Variants in TPPP2 observed in about 807,000 individuals in gnomAD.
TPPP2 encodes tubulin polymerization-promoting protein family member 2.
In TPPP2, 8 loss-of-function variants were observed where a neutral mutation model predicts 13.0. That is an observed-to-expected ratio of 0.62 (90% CI 0.36 to 1.11). TPPP2 has a LOEUF of 1.11. Among genes scored for constraint, TPPP2 ranks in the 50% most tolerant of loss-of-function variants. The pLI is 0.02. For missense variants in TPPP2, 213 were observed against 216.9 expected, an observed-to-expected ratio of 0.98 and a Z score of 0.11; for synonymous variants, 81 against 81.8, an observed-to-expected ratio of 0.99 and a Z score of 0.05.
At chr14:21,027,599 A>ATTCATT (rs1416678733), upstream of TPPP2, among the ~76,000 whole-genome samples, 2 of 152,224 alleles carry the variant, frequency 1.3e-5, no homozygotes, top group Non-Finnish European at 2.9e-5. Flanking sequence ...AATGCAAACT[A>ATTCATT]TGAATTCATC....
At chr14:21,034,190 A>G (rs748525600), downstream of TPPP2, 90 of 1,613,934 alleles carry the variant, frequency 5.6e-5, no homozygotes, top group Non-Finnish European at 6.9e-5. Flanking sequence ...TGCTTAAGGT[A>G]TAGAAGTTCC....
downstream of TPPP2, chr14:21,033,828 G>T (rs200219413): frequency 6.2e-7 from 1 of 1,607,578 alleles, no homozygotes; most frequent in South Asian, 1.1e-5. Flanking sequence ...TTAAATTCCC[G>T]AATAGAGACC....
intron 1 of TPPP2, chr14:21,024,422 G>A: frequency 4.4e-6 from 4 of 912,448 alleles, no homozygotes; most frequent in Non-Finnish European, 5.2e-6. Context: ...GCCCCAGTTA[G>A]TTACTACATT....
downstream of TPPP2, chr14:21,033,742 C>A: frequency 9.6e-7 from 1 of 1,038,496 alleles, no homozygotes; most frequent in Non-Finnish European, 1.5e-6. Context: ...GGAAGGAAGT[C>A]TTGTTACAGG....
chr14:21,035,419 A>G (rs995914034), downstream of TPPP2, among the ~76,000 whole-genome samples: 1 of 152,200 alleles, frequency 6.6e-6, no homozygotes, highest in Non-Finnish European at 1.5e-5. Flanking sequence ...CCACGCTCCT[A>G]TCTTTTTCAT....
intron 3 of TPPP2, 36 bp downstream of exon 3, chr14:21,031,201 C>T: frequency 2.5e-6 from 4 of 1,603,684 alleles, no homozygotes; most frequent in South Asian, 2.2e-5. Context: ...ACCCTACTTC[C>T]CTAAATCCCC....
upstream of TPPP2, among the ~76,000 whole-genome samples, chr14:21,027,496 T>C (rs2139062559): frequency 6.6e-6 from 1 of 152,320 alleles, no homozygotes; most frequent in East Asian, 1.9e-4. Context: ...ATTTGGACAG[T>C]AAGTCCTATA....
chr14:21,024,784 G>A (rs1249019349), intron 1 of TPPP2: 1 of 985,500 alleles, frequency 1.0e-6, no homozygotes, highest in African/African-American at 1.7e-5. Context: ...CGTCCGCGTG[G>A]AGACTGACAC....
At chr14:21,025,581 G>T (rs910977082), upstream of TPPP2, 11 of 985,502 alleles carry the variant, frequency 1.1e-5, no homozygotes, top group Non-Finnish European at 1.3e-5. The surrounding 1 kb of genome is among the most constrained non-coding windows in gnomAD (Gnocchi z 5.1). Flanking sequence ...GGGTCTCGCC[G>T]GCTGGCAGGG....
chr14:21,030,994 T>G lies in TPPP2; in HGVS notation c.174-18T>G. On this transcript the variant is annotated intron_variant, in intron 2 of 3. Coordinates refer to ENST00000321760, the MANE Select transcript of TPPP2 (RefSeq NM_173846.5). Reference sequence around the variant, plus strand: ...CATTCATGCTCCAAAGTTTCTGGATTTCTGTCTAACTGACCAGGGCCAAGA... The same window carrying G: ...CATTCATGCTCCAAAGTTTCTGGATGTCTGTCTAACTGACCAGGGCCAAGA... 6.3e-7 allele frequency: 1 copy of G among 1,587,950 alleles called. No homozygotes were observed. The highest frequency in any genetic ancestry group is 8.6e-7 in the Non-Finnish European group (1 of 1,167,884).
chr14:21,025,149 G>A lies in TPPP2; in HGVS notation n.236+805G>A, dbSNP rs1883239510. On this transcript the variant is annotated intron_variant and non_coding_transcript_variant, in intron 1 of 1. Transcript: ENST00000533755. The surrounding 1 kb of genome is among the most constrained non-coding windows in gnomAD (Gnocchi z 5.1). The stretch of plus-strand genomic sequence containing the variant: ...CCCGCCCACGGGCGCTAGGCTCCCC[G>A]CAGACCCGCCCCAGACCCCCAGTAA... 2.1e-6 allele frequency: 2 copies of A among 959,144 alleles called. No individual in the cohort carries two copies. Among genetic ancestry groups the A allele is most frequent in the East Asian group, 1.2e-4 (1 of 8,218 alleles). The allele number at this position is 959,144 out of a possible 1,614,324, so 59.4% of individuals were successfully genotyped here. A position where few individuals can be genotyped will look rare whatever the true frequency, so the allele number is the denominator to read the frequency against.
At position 21,032,128 on chromosome 14, in the gene TPPP2, C is replaced by A; in HGVS notation, c.*51C>A. 6.4e-7 allele frequency: 1 copy of A among 1,559,494 alleles called. No homozygotes were observed. The highest frequency in any genetic ancestry group is 8.8e-7 in the Non-Finnish European group (1 of 1,134,182). ...GCCCCCTGACCCTGCATGTTTAACA[C>A]CAGGGAGCTTGGAAAACAATAAACA... On this transcript the variant is annotated 3_prime_UTR_variant, in exon 4 of 4. Transcript: ENST00000321760.
Position 21,032,296 on chromosome 14 carries a change from T to G in TPPP2, c.*219T>G, listed in dbSNP as rs3818615. Reference sequence around the variant, plus strand: ...TGCTTAGCCTTATGCCTACCAGCCATCAGTTAGCATTCCTCCTCAACAGCT... The same window carrying G: ...TGCTTAGCCTTATGCCTACCAGCCAGCAGTTAGCATTCCTCCTCAACAGCT... On this transcript the variant is annotated 3_prime_UTR_variant, in exon 4 of 4. Coordinates refer to ENST00000321760, the MANE Select transcript of TPPP2 (RefSeq NM_173846.5). 7.7e-6 allele frequency: 5 copies of G among 648,176 alleles called. No individual in the cohort carries two copies. Among genetic ancestry groups the G allele is most frequent in the Admixed American group, 2.1e-5 (1 of 48,028 alleles). The allele number at this position is 648,176 out of a possible 1,614,324, so 40.2% of individuals were successfully genotyped here.
At chr14:21,025,632 G>A (rs1446589448), upstream of TPPP2, 5 of 985,308 alleles carry the variant, frequency 5.1e-6, no homozygotes, top group South Asian at 4.7e-5. This position sits in a 1 kb window ranked among gnomAD's most constrained non-coding sequence, Gnocchi z 5.1. Flanking sequence ...GGGGAACGTC[G>A]AGGGCGCAGG....
Position 21,030,719 on chromosome 14 carries a change from C to G in TPPP2, c.138C>G (p.Thr46=). ...DCGIMDGKTV[T]STDVDIVFSK... Reference sequence around the variant, plus strand: ...GCATCATGGATGGCAAGACAGTCACCTCCACGGACGTGGACATCGTGTTCA... The same window carrying G: ...GCATCATGGATGGCAAGACAGTCACGTCCACGGACGTGGACATCGTGTTCA... Residue 46 remains threonine, a synonymous_variant, in exon 2 of 4, where the codon ACC becomes ACG. Coordinates refer to ENST00000321760, the MANE Select transcript of TPPP2 (RefSeq NM_173846.5). 6.2e-7 allele frequency: 1 copy of G among 1,614,166 alleles called. No homozygotes were observed. The highest frequency in any genetic ancestry group is 1.7e-5 in the Admixed American group (1 of 60,016).
chr14:21,024,385 C>A (rs1204476666), intron 1 of TPPP2: 10 of 919,676 alleles, frequency 1.1e-5, no homozygotes, highest in Admixed American at 6.2e-5. Context: ...ATTCGAATCC[C>A]GGCTCTGCCA....
In TPPP2 at chr14:21,031,068, T is replaced by G; in HGVS notation, c.230T>G (p.Leu77Arg). The G allele has an allele frequency of 6.2e-7, 1 of 1,614,124 alleles. No homozygotes were observed. The highest frequency in any genetic ancestry group is 8.5e-7 in the Non-Finnish European group (1 of 1,180,018). The change falls in exon 3 of 4, where the codon CTG becomes CGG. Residue 77 changes from leucine to arginine, a missense_variant. Leu to Arg is a moderately radical substitution (Grantham distance 102). Coordinates refer to ENST00000321760, the MANE Select transcript of TPPP2 (RefSeq NM_173846.5). ...CAGTTCAAAGAGGCAGTGAAGGAAC[T>G]GGGCCAGAAGCGCTTCAAAGGGAAG... is the stretch of plus-strand genomic sequence containing the variant. ...FQQFKEAVKE[L>R]GQKRFKGKSP...
intron 3 of TPPP2, 150 bp from the exon 4 acceptor site, chr14:21,031,742 C>T: frequency 2.5e-6 from 2 of 802,252 alleles, no homozygotes; most frequent in Non-Finnish European, 3.9e-6. Context: ...CTGCCCACAG[C>T]TGTATCTGGG....
At chr14:21,024,628 AG>A in intron 1 of TPPP2, 1 of 985,340 alleles carries the variant, frequency 1.0e-6, no homozygotes, top group Non-Finnish European at 1.2e-6. Flanking sequence ...GAGTGGAGAA[AG>A]GGAGAGGAGA....
Sources: allele counts gnomAD v4.1 joint callset (sites outside exome capture counted in the v4.1 genomes callset), GRCh38; gene constraint gnomAD v4.1.1; non-coding constraint Gnocchi (gnomAD v3.1); transcripts MANE v1.5; gene names NCBI Gene and HGNC (gene_info 2026-07-23, HGNC 2026-07-21).